BCKDHB: variants seen among roughly 807,000 people sequenced by gnomAD.
BCKDHB encodes the protein 2-oxoisovalerate dehydrogenase subunit beta, mitochondrial.
In BCKDHB, 41 loss-of-function variants were observed where a neutral mutation model predicts 48.5. The ratio of observed to expected loss-of-function variants is 0.85; its 90% CI spans 0.66 to 1.10. The LOEUF (loss-of-function observed/expected upper bound fraction) is 1.10, where lower values mean the gene tolerates loss of function less well. Ranked by LOEUF, BCKDHB falls within the 50% of genes least tolerant of loss-of-function variation. BCKDHB has a pLI of 0.00. For missense variants in BCKDHB, 496 were observed against 494.2 expected (o/e 1.00, Z -0.03); for synonymous variants, 201 against 174.8 (o/e 1.15, Z -1.18).
chr6:80,393,433 G>T, the BCKDHB span, among the ~76,000 whole-genome samples: 1 of 152,138 alleles, frequency 6.6e-6, no homozygotes, highest in East Asian at 1.9e-4. Flanking sequence ...TGTAAAAGAG[G>T]TCTGAGAGAG....
the BCKDHB span, among the ~76,000 whole-genome samples, chr6:80,362,211 C>A: frequency 1.3e-5 from 2 of 152,092 alleles, no homozygotes; most frequent in Non-Finnish European, 2.9e-5. Flanking sequence ...TCAACTTGAT[C>A]TTATTTTCAT....
chr6:80,257,645 T>C lies in BCKDHB; in HGVS notation c.952-15490T>C, dbSNP rs148270849. 3.4e-3 allele frequency among the ~76,000 whole-genome samples: 511 copies of C among 152,066 alleles called. 3 individuals are homozygous for C. Among genetic ancestry groups the C allele is most frequent in the African/African-American group, 0.012 (484 of 41,498 alleles). ...GACAGGCTGTCTGTAAGCTAGAGAT[T>C]CTGGGATGCTGGTAGAGAGGCTCAG... is the stretch of plus-strand genomic sequence containing the variant. On this transcript the variant is annotated intron_variant, in intron 8 of 9. Transcript: ENST00000320393.
chr6:80,212,477 T>C (rs1193640477), intron 8 of BCKDHB, among the ~76,000 whole-genome samples: 2 of 152,214 alleles, frequency 1.3e-5, no homozygotes, highest in East Asian at 3.8e-4. Flanking sequence ...GACCTTATGG[T>C]TGTCTTCCCT....
intron 1 of BCKDHB, among the ~76,000 whole-genome samples, chr6:80,123,049 A>G (rs1770127252): frequency 6.7e-6 from 1 of 149,754 alleles, no homozygotes; most frequent in African/African-American, 2.5e-5. Flanking sequence ...GAATTTAGCA[A>G]TATCTCTCCT....
chr6:80,117,451 G>T (rs907494038), intron 1 of BCKDHB, among the ~76,000 whole-genome samples: 16 of 152,186 alleles, frequency 1.1e-4, no homozygotes, highest in Non-Finnish European at 2.4e-4. Context: ...TAGCAACTTA[G>T]ATATTTAGAC....
chr6:80,238,045 T>C (rs1300031503), intron 8 of BCKDHB, among the ~76,000 whole-genome samples: 2 of 152,212 alleles, frequency 1.3e-5, no homozygotes, highest in African/African-American at 4.8e-5. Context: ...AATTCCTTCC[T>C]CCCTCCTTCG....
At chr6:80,455,867 T>C in the BCKDHB span, among the ~76,000 whole-genome samples, 154 of 152,256 alleles carry the variant, frequency 1.0e-3, no homozygotes, top group South Asian at 3.3e-3. Flanking sequence ...ACCATTGACG[T>C]TGGAGAGCAG....
chr6:80,215,106 G>A (rs1172155660), intron 8 of BCKDHB, among the ~76,000 whole-genome samples: 1 of 152,136 alleles, frequency 6.6e-6, no homozygotes, highest in Non-Finnish European at 1.5e-5. Context: ...TCAAAGATCT[G>A]TTAGACTTAA....
chr6:80,127,472 A>G, intron 1 of BCKDHB, 75 bp from the exon 2 acceptor site: 1 of 1,162,378 alleles, frequency 8.6e-7, no homozygotes, highest in South Asian at 1.2e-5. Context: ...GTCAAGTTGT[A>G]ATTAACTGTT....
chr6:80,161,337 A>G (rs1418733187), intron 3 of BCKDHB, among the ~76,000 whole-genome samples: 1 of 152,170 alleles, frequency 6.6e-6, no homozygotes, highest in African/African-American at 2.4e-5. Context: ...ATCTTATGAC[A>G]TACACACTAT....
chr6:80,422,909 C>T, the BCKDHB span, among the ~76,000 whole-genome samples: 1 of 151,698 alleles, frequency 6.6e-6, no homozygotes, highest in African/African-American at 2.4e-5. Context: ...TGAGTTACTG[C>T]TGAAATGAGT....
At chr6:80,448,477 T>A in the BCKDHB span, among the ~76,000 whole-genome samples, 4 of 151,934 alleles carry the variant, frequency 2.6e-5, no homozygotes, top group African/African-American at 4.8e-5. Flanking sequence ...GAGCTAACGG[T>A]GGTTGGGGCC....
chr6:80,336,279 A>C (rs1769586665), intron 9 of BCKDHB, among the ~76,000 whole-genome samples: 1 of 151,860 alleles, frequency 6.6e-6, no homozygotes, highest in Non-Finnish European at 1.5e-5. Flanking sequence ...TTGAACTACT[A>C]ATTATTTCTA....
At chr6:80,161,747 C>G (rs1402808530) in intron 3 of BCKDHB, among the ~76,000 whole-genome samples, 1 of 152,170 alleles carries the variant, frequency 6.6e-6, no homozygotes, top group East Asian at 1.9e-4. Context: ...GCTTTTCATT[C>G]TTACAGCCAT....
chr6:80,132,840 A>G (rs1055764297), intron 3 of BCKDHB, among the ~76,000 whole-genome samples: 7 of 152,192 alleles, frequency 4.6e-5, no homozygotes, highest in Admixed American at 4.6e-4. Flanking sequence ...GTGAAGAGAA[A>G]TATATTAAAA....
chr6:80,364,260 A>C, the BCKDHB span, among the ~76,000 whole-genome samples: 1 of 152,256 alleles, frequency 6.6e-6, no homozygotes, highest in Admixed American at 6.5e-5. Context: ...ACTGAGGAAG[A>C]GAACAGCTAG....
the BCKDHB span, among the ~76,000 whole-genome samples, chr6:80,377,533 A>G: frequency 2.0e-5 from 3 of 152,180 alleles, no homozygotes; most frequent in African/African-American, 7.2e-5. Flanking sequence ...TATAGTATGA[A>G]GTAAGGGTCT....
At chr6:80,109,528 G>A (rs1164758408) in intron 1 of BCKDHB, among the ~76,000 whole-genome samples, 2 of 152,158 alleles carry the variant, frequency 1.3e-5, no homozygotes, top group Non-Finnish European at 2.9e-5. Flanking sequence ...ATGTATAATA[G>A]TGTGAGTATT....
intron 8 of BCKDHB, among the ~76,000 whole-genome samples, chr6:80,245,639 G>C (rs1314837082): frequency 6.6e-6 from 1 of 152,110 alleles, no homozygotes; most frequent in Non-Finnish European, 1.5e-5. Context: ...AAAGTGTAGT[G>C]CTCTGTGCTG....
Sources: gnomAD v4.1 joint callset for allele counts (sites outside exome capture counted in the v4.1 genomes callset) on GRCh38, gnomAD v4.1.1 for gene constraint, MANE v1.5 for transcripts, NCBI Gene and HGNC (gene_info 2026-07-23, HGNC 2026-07-21) for gene names.